The following USP35 variants were observed in gnomAD, a reference collection of about 807,000 sequenced individuals.
USP35 encodes ubiquitin specific peptidase 35.
Under a neutral mutation model 83.8 loss-of-function variants are expected in USP35, and 69 were observed. That is an observed-to-expected ratio of 0.82 (90% CI 0.68 to 1.01). The LOEUF is 1.01. Ranked by LOEUF, USP35 falls within the 50% of genes least tolerant of loss-of-function variation. The probability of loss-of-function intolerance (pLI) is 0.00; values close to 1 mark genes in which losing one functional copy is unlikely to be tolerated. For missense variants in USP35, 1,503 were observed against 1,362.5 expected (o/e 1.10, Z -1.62); for synonymous variants, 714 against 589.5 (o/e 1.21, Z -3.06).
chr11:78,236,280 C>G, the USP35 span, among the ~76,000 whole-genome samples: 15 of 152,238 alleles, frequency 9.9e-5, no homozygotes, highest in Non-Finnish European at 2.1e-4. Context: ...TGCATAAAAA[C>G]CTTTTTATCT....
chr11:78,213,166 G>C (rs1863865319), intron 10 of USP35, among the ~76,000 whole-genome samples: 1 of 152,236 alleles, frequency 6.6e-6, no homozygotes, highest in Non-Finnish European at 1.5e-5. Context: ...AGCAGCCCAG[G>C]GAGGGGCCTG....
Position 78,210,544 on chromosome 11 carries a change from C to T in USP35, c.2689C>T (p.Arg897Trp), listed in dbSNP as rs1188231380. The T allele has an allele frequency of 1.3e-5, 21 of 1,612,954 alleles. No homozygotes were observed. In the East Asian group the frequency reaches 1.8e-4, roughly 14 times the overall value. The change falls in exon 10 of 11, where the codon CGG becomes TGG. Residue 897 changes from arginine to tryptophan, a missense_variant. By Grantham distance (101) the Arg-to-Trp change is moderately radical. Transcript: ENST00000529308. Reference protein sequence around the residue: ...ENQWYLFNDTRVSFSSFESVS... With the variant: ...ENQWYLFNDTWVSFSSFESVS... ...CCAGTGGTACCTGTTCAATGACACT[C>T]GGGTGTCCTTCTCTTCCTTCGAATC... is the stretch of plus-strand genomic sequence containing the variant.
rs754257346 is a variant in USP35, at chr11:78,205,915, A to T, written c.1271A>T (p.Glu424Val). 7 of 1,614,246 alleles carry T rather than the reference A, an allele frequency of 4.3e-6. No individual in the cohort carries two copies. The highest frequency in any genetic ancestry group is 5.9e-6 in the Non-Finnish European group (7 of 1,180,044). The change falls in exon 7 of 11, where the codon GAG becomes GTG. Residue 424 changes from glutamate to valine, a missense_variant. Coordinates refer to ENST00000529308, the MANE Select transcript of USP35 (RefSeq NM_020798.4). ...GQDAWTSQKS[E>V]LAGFYPRLMA... ...GATGCCTGGACTTCGCAGAAGAGCG[A>T]GCTGGCGGGTTTCTATCCCCGGCTC...
chr11:78,205,815 C>G (rs374796323), intron 6 of USP35, 27 bp from the exon 7 acceptor site: 186 of 1,588,228 alleles, frequency 1.2e-4, no homozygotes, highest in Non-Finnish European at 1.5e-4. Context: ...GCCCACCATC[C>G]TGCCTGCCTG....
chr11:78,230,522 C>T, the USP35 span, among the ~76,000 whole-genome samples: 3 of 152,270 alleles, frequency 2.0e-5, no homozygotes, highest in South Asian at 4.1e-4. Flanking sequence ...GTGCTTCCAT[C>T]GCAACACTCA....
intron 6 of USP35, among the ~76,000 whole-genome samples, chr11:78,204,877 C>T (rs2137045421): frequency 6.6e-6 from 1 of 152,308 alleles, no homozygotes; most frequent in East Asian, 1.9e-4. Context: ...ACTGGGTGAG[C>T]AAGACCTTCT....
At chr11:78,205,730 C>T in intron 6 of USP35, 112 bp from the exon 7 acceptor site, 1 of 1,201,658 alleles carries the variant, frequency 8.3e-7, no homozygotes, top group Non-Finnish European at 1.2e-6. Context: ...GGGGGTGTGC[C>T]TGGGAGGCCT....
At chr11:78,190,027 C>T (rs1017537544) in intron 1 of USP35, among the ~76,000 whole-genome samples, 2 of 152,094 alleles carry the variant, frequency 1.3e-5, no homozygotes, top group Non-Finnish European at 2.9e-5. Flanking sequence ...CAAGGAAGCT[C>T]TGGCTCCCAG....
chr11:78,235,780 A>G, the USP35 span, among the ~76,000 whole-genome samples: 9 of 152,198 alleles, frequency 5.9e-5, no homozygotes, highest in Admixed American at 3.9e-4. Flanking sequence ...TTTTGGTCAC[A>G]GCCATTCCAC....
At chr11:78,224,662 G>A in the USP35 span, among the ~76,000 whole-genome samples, 3 of 152,290 alleles carry the variant, frequency 2.0e-5, no homozygotes, top group Admixed American at 2.0e-4. Flanking sequence ...GAGAACTGCG[G>A]TTAGCATCTT....
Position 78,210,082 on chromosome 11 carries a change from G to T in USP35, c.2227G>T (p.Asp743Tyr), listed in dbSNP as rs902430693. ...CAGCCTGGGAGCGGGGACCCACCCGGATGCTGCCATCCCCTCCGGGGAGCG... is the reference window on the plus strand; with the variant it reads ...CAGCCTGGGAGCGGGGACCCACCCGTATGCTGCCATCCCCTCCGGGGAGCG... ...EDSLGAGTHP[D>Y]AAIPSGERTC... The change falls in exon 10 of 11, where the codon GAT becomes TAT. Residue 743 changes from aspartate (D) to tyrosine (Y), a missense_variant. By Grantham distance (160) the Asp-to-Tyr change is radical. Coordinates refer to ENST00000529308, the MANE Select transcript of USP35 (RefSeq NM_020798.4). 2 of 1,613,920 alleles carry T rather than the reference G, an allele frequency of 1.2e-6. No homozygotes were observed. The highest frequency in any genetic ancestry group is 2.2e-5 in the East Asian group (1 of 44,884).
At chr11:78,212,842 C>CAGTT (rs1823360638) in intron 10 of USP35, among the ~76,000 whole-genome samples, 1 of 151,836 alleles carries the variant, frequency 6.6e-6, no homozygotes, top group African/African-American at 2.4e-5. Context: ...CCCATTAATG[C>CAGTT]AGTTAATAAG....
At chr11:78,232,993 C>T in the USP35 span, among the ~76,000 whole-genome samples, 7 of 150,730 alleles carry the variant, frequency 4.6e-5, no homozygotes, top group African/African-American at 1.7e-4. Context: ...AGAGGAAACA[C>T]AGGATTAAAG....
chr11:78,206,146 T>G, intron 7 of USP35, 111 bp downstream of exon 7: 1 of 1,329,314 alleles, frequency 7.5e-7, no homozygotes, highest in Non-Finnish European at 1.0e-6. Flanking sequence ...GGCCTTGCTT[T>G]GCATTGCCAG....
the USP35 span, among the ~76,000 whole-genome samples, chr11:78,222,984 C>T: frequency 2.0e-5 from 3 of 152,162 alleles, no homozygotes; most frequent in Non-Finnish European, 2.9e-5. Flanking sequence ...AAGGTAGATG[C>T]CATAAGGGCT....
intron 2 of USP35, among the ~76,000 whole-genome samples, chr11:78,197,646 C>T (rs1479724715): frequency 1.3e-5 from 2 of 152,190 alleles, no homozygotes; most frequent in Non-Finnish European, 2.9e-5. Context: ...GCCCTCCCAC[C>T]TTCTCTAGCG....
At chr11:78,192,979 G>T (rs891861517) in intron 1 of USP35, among the ~76,000 whole-genome samples, 1 of 152,076 alleles carries the variant, frequency 6.6e-6, no homozygotes, top group Non-Finnish European at 1.5e-5. Flanking sequence ...CTTCACACAT[G>T]ATGCCAGTGC....
Position 78,209,929 on chromosome 11 carries a change from G to C in USP35, c.2074G>C (p.Glu692Gln). ...EGKEERTEKEEVGEEEESTRG... is the reference protein window; with the variant it reads ...EGKEERTEKEQVGEEEESTRG... ...GAAGGAGGAGAGAACGGAGAAGGAA[G>C]AAGTGGGGGAGGAGGAGGAAAGCAC... is the stretch of plus-strand genomic sequence containing the variant. Residue 692 changes from glutamate (E) to glutamine (Q), a missense_variant, in exon 10 of 11, where the codon GAA (glutamate) becomes CAA (glutamine). Physicochemically the swap from Glu to Gln is conservative, Grantham distance 29. Coordinates refer to ENST00000529308, the MANE Select transcript of USP35 (RefSeq NM_020798.4). The C allele has an allele frequency of 6.2e-7, 1 of 1,604,366 alleles. No homozygotes were observed.
the USP35 span, among the ~76,000 whole-genome samples, chr11:78,222,943 C>T: frequency 6.1e-3 from 924 of 152,312 alleles, 7 homozygotes; most frequent in Middle Eastern, 0.02. Flanking sequence ...CCTGCTGCTC[C>T]TGGCCAGGTC....
Sources: allele counts gnomAD v4.1 joint callset (sites outside exome capture counted in the v4.1 genomes callset), GRCh38; gene constraint gnomAD v4.1.1; transcripts MANE v1.5; gene names NCBI Gene and HGNC (gene_info 2026-07-23, HGNC 2026-07-21).